The following ARHGAP6 variants were observed in gnomAD, a reference collection of about 807,000 sequenced individuals.
ARHGAP6 encodes the protein Rho GTPase activating protein 6.
A neutral mutation model predicts 55.7 loss-of-function variants in ARHGAP6; 16 were observed. The observed-to-expected ratio is 0.29, with a 90% confidence interval of 0.19 to 0.44. The LOEUF (loss-of-function observed/expected upper bound fraction) is 0.44. Among genes scored for constraint, ARHGAP6 ranks in the 20% least tolerant of loss-of-function variants. ARHGAP6 has a pLI of 1.00. For synonymous variants in ARHGAP6, 382 were observed against 360.9 expected, an observed-to-expected ratio of 1.06 and a Z score of -0.66; for missense variants, 698 against 808.9, an observed-to-expected ratio of 0.86 and a Z score of 1.66.
chrX:11,613,210 C>A (rs140551871), intron 1 of ARHGAP6, among the ~76,000 whole-genome samples: 1,811 of 112,174 alleles, frequency 0.016, 32 homozygotes, highest in African/African-American at 0.055. Flanking sequence ...GTCAATCACA[C>A]TCTTGCATCT....
chrX:11,539,814 T>G (rs745490995), intron 1 of ARHGAP6, among the ~76,000 whole-genome samples: 3 of 112,217 alleles, frequency 2.7e-5, no homozygotes, highest in Non-Finnish European at 5.6e-5. Context: ...CCATTAAGCC[T>G]TTAGTTAAGT....
intron 1 of ARHGAP6, among the ~76,000 whole-genome samples, chrX:11,377,457 GA>G (rs1321268208): frequency 8.9e-6 from 1 of 111,921 alleles, no homozygotes; most frequent in African/African-American, 3.2e-5. Context: ...TTGGAGTGAT[GA>G]AAATATTTTA....
chrX:11,332,136 C>T (rs929016709), intron 1 of ARHGAP6, among the ~76,000 whole-genome samples: 1 of 111,737 alleles, frequency 8.9e-6, no homozygotes, highest in African/African-American at 3.3e-5. Flanking sequence ...CATATTACTT[C>T]CACCTAGTGA....
At chrX:11,589,060 T>TC (rs2051771520) in intron 1 of ARHGAP6, among the ~76,000 whole-genome samples, 1 of 108,518 alleles carries the variant, frequency 9.2e-6, no homozygotes, top group South Asian at 4.1e-4. Context: ...TTTTTTTTTT[T>TC]GAGACGAGTC....
chrX:11,271,199 T>C (rs1042094534), intron 1 of ARHGAP6, among the ~76,000 whole-genome samples: 3 of 111,748 alleles, frequency 2.7e-5, no homozygotes, highest in Non-Finnish European at 1.9e-5. Flanking sequence ...ATGGAATGGA[T>C]TTCAGAGCAA....
intron 1 of ARHGAP6, among the ~76,000 whole-genome samples, chrX:11,608,148 A>G (rs760062842): frequency 8.9e-6 from 1 of 111,786 alleles, no homozygotes; most frequent in Non-Finnish European, 1.9e-5. Flanking sequence ...ACTCTAGAGT[A>G]AGTAACCCTA....
chrX:11,244,023 G>C (rs1352852163), intron 2 of ARHGAP6, among the ~76,000 whole-genome samples: 1 of 111,921 alleles, frequency 8.9e-6, no homozygotes, highest in Non-Finnish European at 1.9e-5. Flanking sequence ...ATTAAGCAAT[G>C]CATGACTGTA....
At chrX:11,628,752 C>T (rs1461469756) in intron 1 of ARHGAP6, among the ~76,000 whole-genome samples, 4 of 112,433 alleles carry the variant, frequency 3.6e-5, no homozygotes, top group South Asian at 3.6e-4. Flanking sequence ...TTCCCTAGTA[C>T]GGAGTCTTTT....
intron 1 of ARHGAP6, among the ~76,000 whole-genome samples, chrX:11,495,070 GC>G (rs969329909): frequency 8.9e-6 from 1 of 111,999 alleles, no homozygotes; most frequent in Non-Finnish European, 1.9e-5. Context: ...ACCTATATTT[GC>G]ATTTGTCTGT....
chrX:11,413,972 C>T (rs1458194192), intron 1 of ARHGAP6, among the ~76,000 whole-genome samples: 2 of 111,701 alleles, frequency 1.8e-5, no homozygotes, highest in African/African-American at 6.5e-5. Context: ...ATACCCAGTT[C>T]TGCACATATA....
intron 10 of ARHGAP6, among the ~76,000 whole-genome samples, chrX:11,152,210 C>T (rs1273552823): frequency 1.8e-5 from 2 of 111,929 alleles, no homozygotes; most frequent in East Asian, 5.6e-4. Flanking sequence ...TATATAATAG[C>T]AATAGAAATG....
At chrX:11,174,611 TCTTTC>T (rs2046161202) in intron 8 of ARHGAP6, among the ~76,000 whole-genome samples, 3 of 95,504 alleles carry the variant, frequency 3.1e-5, no homozygotes, top group African/African-American at 1.2e-4. Flanking sequence ...TTTCTTTCTT[TCTTTC>T]TCTTTCTTTT....
At chrX:11,500,685 G>A (rs200077691) in intron 1 of ARHGAP6, among the ~76,000 whole-genome samples, 4,615 of 87,960 alleles carry the variant, frequency 0.052, 227 homozygotes, top group East Asian at 0.11. Flanking sequence ...AAAAAAAAAA[G>A]AAGAAGCAAA....
intron 1 of ARHGAP6, among the ~76,000 whole-genome samples, chrX:11,654,100 G>A (rs1441675716): frequency 9.0e-6 from 1 of 111,497 alleles, no homozygotes; most frequent in Non-Finnish European, 1.9e-5. Context: ...GATTTCCCTG[G>A]ACAAAATTAC....
At chrX:11,232,994 A>G (rs971111717) in intron 2 of ARHGAP6, among the ~76,000 whole-genome samples, 3 of 112,550 alleles carry the variant, frequency 2.7e-5, no homozygotes, top group Non-Finnish European at 3.7e-5. Context: ...CACACGTACT[A>G]AATAAAGTAA....
At chrX:11,392,590 C>T (rs1443273454) in intron 1 of ARHGAP6, among the ~76,000 whole-genome samples, 1 of 111,503 alleles carries the variant, frequency 9.0e-6, no homozygotes, top group African/African-American at 3.3e-5. Context: ...GGAGGCTTTA[C>T]ATTTATAGCT....
chrX:11,625,795 C>A (rs776411349), intron 1 of ARHGAP6, among the ~76,000 whole-genome samples: 5 of 110,910 alleles, frequency 4.5e-5, no homozygotes, highest in Non-Finnish European at 9.5e-5. Flanking sequence ...CACATGTACC[C>A]CGTAAATATA....
intron 1 of ARHGAP6, among the ~76,000 whole-genome samples, chrX:11,330,968 G>A (rs1419291975): frequency 9.0e-6 from 1 of 111,726 alleles, no homozygotes; most frequent in Non-Finnish European, 1.9e-5. Context: ...CTGCTGCTGA[G>A]CAGCTTCAGA....
At chrX:11,512,050 T>C (rs977256601) in intron 1 of ARHGAP6, among the ~76,000 whole-genome samples, 2 of 111,088 alleles carry the variant, frequency 1.8e-5, no homozygotes, top group African/African-American at 6.6e-5. Flanking sequence ...ATGGTCTTGA[T>C]CTCCTGACCT....
Sources: gnomAD v4.1 joint callset for allele counts (sites outside exome capture counted in the v4.1 genomes callset) on GRCh38, gnomAD v4.1.1 for gene constraint, MANE v1.5 for transcripts, NCBI Gene and HGNC (gene_info 2026-07-23, HGNC 2026-07-21) for gene names.